Variants in TIAM1 observed in about 807,000 individuals in gnomAD.
TIAM1 encodes the protein TIAM Rac1 associated GEF 1.
TIAM1 carries 65 observed loss-of-function variants against 163.5 expected under a neutral mutation model. That is an observed-to-expected ratio of 0.40 (90% CI 0.33 to 0.49). The LOEUF (loss-of-function observed/expected upper bound fraction) is 0.49, where lower values mean the gene tolerates loss of function less well. Among genes scored for constraint, TIAM1 ranks in the 20% least tolerant of loss-of-function variants. The probability of loss-of-function intolerance (pLI) is 0.77; values close to 1 mark genes in which losing one functional copy is unlikely to be tolerated. For synonymous variants in TIAM1, 833 were observed against 810.1 expected (o/e 1.03, Z -0.48); for missense variants, 1,789 against 2,044.7 (o/e 0.87, Z 2.41).
intron 1 of TIAM1, among the ~76,000 whole-genome samples, chr21:31,503,959 G>C (rs949050215): frequency 2.6e-5 from 4 of 152,056 alleles, no homozygotes; most frequent in African/African-American, 7.2e-5. Context: ...GGAAGAGTTG[G>C]GATCAGCCCA....
intron 2 of TIAM1, chr21:31,452,917 T>A (rs775954383): frequency 3.9e-6 from 2 of 514,596 alleles, no homozygotes; most frequent in Middle Eastern, 6.8e-4. Flanking sequence ...GGCCTAGATA[T>A]TGGGAGAAAC....
intron 2 of TIAM1, among the ~76,000 whole-genome samples, chr21:31,440,257 A>T (rs1021906020): frequency 6.6e-6 from 1 of 152,194 alleles, no homozygotes; most frequent in African/African-American, 2.4e-5. Context: ...AAACTCAGAA[A>T]AAGTCTCACT....
Position 31,474,606 on chromosome 21 carries a change from C to T in TIAM1, c.-421-10571G>A, listed in dbSNP as rs1341858669. Among the ~76,000 whole-genome samples the T allele has an allele frequency of 3.3e-5, 5 of 149,564 alleles. No homozygotes were observed. In the East Asian group the frequency reaches 5.9e-4, roughly 18 times the overall value. On this transcript the variant is annotated intron_variant, in intron 1 of 28. Coordinates refer to the TIAM1 transcript ENST00000286827. ...TGTTGCCCAGGCTGAAGTGCAATGA[C>T]GTGATCTCGGCTCACCGCAACCTCC... is the stretch of plus-strand genomic sequence containing the variant.
intron 13 of TIAM1, among the ~76,000 whole-genome samples, chr21:31,187,527 A>G (rs574077076): frequency 3.9e-5 from 6 of 152,196 alleles, no homozygotes; most frequent in Non-Finnish European, 8.8e-5. Context: ...GTATGACTAT[A>G]TGGACACTGC....
intron 20 of TIAM1, among the ~76,000 whole-genome samples, chr21:31,146,659 C>T (rs1187747436): frequency 7.0e-6 from 1 of 143,552 alleles, no homozygotes; most frequent in Non-Finnish European, 1.5e-5. Flanking sequence ...CGCAGTGAGC[C>T]AAGATCGTGC....
chr21:31,512,027 G>A (rs1038527368), intron 1 of TIAM1, among the ~76,000 whole-genome samples: 1 of 152,102 alleles, frequency 6.6e-6, no homozygotes, highest in Non-Finnish European at 1.5e-5. Context: ...ACACAAAAAC[G>A]TTGACAAGAC....
intron 2 of TIAM1, among the ~76,000 whole-genome samples, chr21:31,374,306 G>A (rs563714008): frequency 2.0e-5 from 3 of 152,236 alleles, no homozygotes; most frequent in Admixed American, 6.5e-5. Context: ...CTGGGCAAAC[G>A]ATCAAAAACT....
intron 10 of TIAM1, among the ~76,000 whole-genome samples, chr21:31,211,923 G>C (rs910244176): frequency 6.6e-6 from 1 of 152,150 alleles, no homozygotes; most frequent in Non-Finnish European, 1.5e-5. Context: ...AAAAACTTTC[G>C]CAGTTTCCAA....
intron 1 of TIAM1, among the ~76,000 whole-genome samples, chr21:31,476,887 G>A (rs562045635): frequency 1.3e-5 from 2 of 152,280 alleles, no homozygotes; most frequent in Non-Finnish European, 2.9e-5. Flanking sequence ...GACCCATTCT[G>A]CAACCCTTCT....
chr21:31,345,762 A>C (rs1361965265), upstream of TIAM1, among the ~76,000 whole-genome samples: 1 of 152,066 alleles, frequency 6.6e-6, no homozygotes, highest in Non-Finnish European at 1.5e-5. Flanking sequence ...ACCAGGCTGG[A>C]AACACGGTGA....
At chr21:31,493,665 C>T (rs952864444) in intron 1 of TIAM1, among the ~76,000 whole-genome samples, 4 of 152,092 alleles carry the variant, frequency 2.6e-5, no homozygotes, top group African/African-American at 4.8e-5. Context: ...TGAGAGGCAA[C>T]GAAGGGTTAG....
chr21:31,450,306 G>A (rs1202489141), intron 2 of TIAM1, among the ~76,000 whole-genome samples: 1 of 152,132 alleles, frequency 6.6e-6, no homozygotes, highest in East Asian at 1.9e-4. Flanking sequence ...AAGCACGTCC[G>A]AGATGTTTTC....
chr21:31,499,458 T>C (rs890956102), intron 1 of TIAM1, among the ~76,000 whole-genome samples: 1 of 152,024 alleles, frequency 6.6e-6, no homozygotes, highest in Non-Finnish European at 1.5e-5. Context: ...TGAGGATCAC[T>C]TGAGACCAGG....
chr21:31,474,030 G>A (rs923619329), intron 1 of TIAM1, among the ~76,000 whole-genome samples: 3 of 152,160 alleles, frequency 2.0e-5, no homozygotes, highest in Non-Finnish European at 4.4e-5. Flanking sequence ...AGGCAAAGGG[G>A]GAGCAGACAT....
chr21:31,358,445 T>A lies in TIAM1; in HGVS notation c.-368-19023A>T, dbSNP rs148237354. 3.9e-5 allele frequency among the ~76,000 whole-genome samples: 6 copies of A among 152,274 alleles called. No homozygotes were observed. In the East Asian group the frequency reaches 9.7e-4, roughly 25 times the overall value. On this transcript the variant is annotated intron_variant, in intron 2 of 28. Transcript: ENST00000286827. ...ATGCTAACAACTCCCAATGCATGTC[T>A]CTAGCCAGTGCTTTTTCCCCTAGAC...
chr21:31,195,177 TAAGA>T (rs1354272995), intron 13 of TIAM1, 43 bp downstream of exon 13: 1 of 1,466,166 alleles, frequency 6.8e-7, no homozygotes, highest in Non-Finnish European at 9.5e-7. Flanking sequence ...CATGCTTACA[TAAGA>T]AATACTTTAC....
intron 2 of TIAM1, among the ~76,000 whole-genome samples, chr21:31,456,821 C>T (rs575628416): frequency 6.6e-6 from 1 of 152,256 alleles, no homozygotes; most frequent in African/African-American, 2.4e-5. Flanking sequence ...CATCATCCCA[C>T]CCACCACCCA....
intron 23 of TIAM1, among the ~76,000 whole-genome samples, chr21:31,133,478 C>T (rs922155043): frequency 3.9e-5 from 6 of 152,224 alleles, no homozygotes; most frequent in African/African-American, 7.2e-5. Context: ...CCCACACCGA[C>T]TTCTCATAAA....
chr21:31,340,669 A>G (rs1224210023), intron 1 of TIAM1, among the ~76,000 whole-genome samples: 2 of 152,132 alleles, frequency 1.3e-5, no homozygotes, highest in Non-Finnish European at 2.9e-5. Context: ...CCAGCTTCCA[A>G]GTTAAATTCT....
Sources: allele counts gnomAD v4.1 joint callset (sites outside exome capture counted in the v4.1 genomes callset), GRCh38; gene constraint gnomAD v4.1.1; transcripts MANE v1.5; gene names NCBI Gene and HGNC (gene_info 2026-07-23, HGNC 2026-07-21).